PBX1: variants seen among roughly 807,000 people sequenced by gnomAD.
PBX1 encodes PBX homeobox 1.
Under a neutral mutation model 53.4 loss-of-function variants are expected in PBX1, and 6 were observed. The ratio of observed to expected loss-of-function variants is 0.11; its 90% CI spans 0.06 to 0.22. PBX1 has a LOEUF of 0.22. Among genes scored for constraint, PBX1 ranks in the 10% least tolerant of loss-of-function variants. The pLI, the probability that PBX1 is intolerant of heterozygous loss-of-function variation, is 1.00. For synonymous variants in PBX1, 204 were observed against 212.3 expected (o/e 0.96, Z 0.34); for missense variants, 251 against 551.4 (o/e 0.46, Z 5.46).
chr1:164,697,960 T>C lies in PBX1; in HGVS notation c.266-94534T>C, dbSNP rs572362286. 4.6e-5 allele frequency among the ~76,000 whole-genome samples: 7 copies of C among 152,326 alleles called. No homozygotes were observed. The South Asian group carries it at 1.5e-3, about 32-fold the overall frequency. ...GGTATCAGACATGCTAGATCCCAGT[T>C]GGTCTTAACTTTTTGTCTCACTTAC... On this transcript the variant is annotated intron_variant, in intron 2 of 8. Transcript: ENST00000420696.
chr1:164,682,356 C>T (rs945870060), intron 2 of PBX1: 1 of 152,066 alleles, frequency 6.6e-6, no homozygotes. Flanking sequence ...CCAGAACCCA[C>T]GGGAAGAACC....
chr1:164,624,810 G>C (rs1446268964), intron 2 of PBX1, among the ~76,000 whole-genome samples: 1 of 152,048 alleles, frequency 6.6e-6, no homozygotes, highest in Admixed American at 6.6e-5. Flanking sequence ...GCAATGTTTT[G>C]ACATTAAGAG....
intron 2 of PBX1, among the ~76,000 whole-genome samples, chr1:164,726,548 C>T (rs76747338): frequency 0.012 from 1,892 of 152,306 alleles, 42 homozygotes; most frequent in African/African-American, 0.044. Context: ...ATGCTAAAGC[C>T]ACATCAGGGA....
chr1:164,841,002 C>T (rs12144933), intron 8 of PBX1, among the ~76,000 whole-genome samples: 13,260 of 152,042 alleles, frequency 0.087, 743 homozygotes, highest in African/African-American at 0.16. Context: ...TCAAAATCGG[C>T]GATGTGTCGG....
At chr1:164,692,027 A>C (rs1352244430) in intron 2 of PBX1, among the ~76,000 whole-genome samples, 1 of 152,256 alleles carries the variant, frequency 6.6e-6, no homozygotes, top group Non-Finnish European at 1.5e-5. Context: ...TCCCCAAGAC[A>C]CTATTACGTA....
intron 2 of PBX1, among the ~76,000 whole-genome samples, chr1:164,716,634 C>T (rs1664100337): frequency 6.8e-6 from 1 of 146,350 alleles, no homozygotes; most frequent in South Asian, 2.3e-4. Context: ...GCAGGAAGTT[C>T]GCTTGAGCCT....
At chr1:164,750,077 A>G (rs1237951673) in intron 2 of PBX1, among the ~76,000 whole-genome samples, 1 of 151,496 alleles carries the variant, frequency 6.6e-6, no homozygotes, top group East Asian at 1.9e-4. Flanking sequence ...AGCCCGGGTG[A>G]CAGAGTGAGA....
chr1:164,656,139 A>G (rs1423208273), intron 2 of PBX1, among the ~76,000 whole-genome samples: 1 of 152,218 alleles, frequency 6.6e-6, no homozygotes, highest in Non-Finnish European at 1.5e-5. Flanking sequence ...GCTGCTTAAT[A>G]TAATGAATAA....
chr1:164,847,353 C>T lies in PBX1; in HGVS notation c.*677C>T. On this transcript the variant is annotated 3_prime_UTR_variant, in exon 9 of 9. Transcript: ENST00000420696. ...GGTGCCACATTTTTCAGTTTCATCT[C>T]CACTAGGTTGGTTCCCGGGCAGGAA... The T allele has an allele frequency of 9.4e-7, 1 of 1,064,904 alleles. No homozygotes were observed. Among genetic ancestry groups the T allele is most frequent in the Non-Finnish European group, 1.1e-6 (1 of 879,004 alleles). The allele number at this position is 1,064,904 out of a possible 1,614,324, so 66.0% of individuals were successfully genotyped here.
intron 2 of PBX1, among the ~76,000 whole-genome samples, chr1:164,654,121 A>C (rs764631252): frequency 6.6e-6 from 1 of 152,192 alleles, no homozygotes; most frequent in Non-Finnish European, 1.5e-5. Context: ...AACACAGTGC[A>C]TTGGGGGTAG....
Position 164,776,397 on chromosome 1 carries a change from G to A in PBX1, c.266-16097G>A, listed in dbSNP as rs561686345. ...GCGGCTGTGGCATGTGATTTAGAAG[G>A]AAGGGGTGCTGTGCTATGTCCTCAC... On this transcript the variant is annotated intron_variant, in intron 2 of 8. Coordinates refer to ENST00000420696, the MANE Select transcript of PBX1 (RefSeq NM_002585.4). Among the ~76,000 whole-genome samples the A allele has an allele frequency of 2.8e-4, 43 of 152,270 alleles. 2 individuals are homozygous for A. In the South Asian group the frequency reaches 8.7e-3, roughly 31 times the overall value.
intron 8 of PBX1, among the ~76,000 whole-genome samples, chr1:164,835,100 G>A (rs1461222154): frequency 6.6e-6 from 1 of 152,040 alleles, no homozygotes; most frequent in Non-Finnish European, 1.5e-5. Context: ...CTAAAAATGT[G>A]TTATGAATAT....
intron 2 of PBX1, among the ~76,000 whole-genome samples, chr1:164,655,439 C>T (rs200107998): frequency 6.6e-6 from 1 of 152,230 alleles, no homozygotes; most frequent in East Asian, 1.9e-4. Context: ...AACTGCCTGT[C>T]TTCTACAGAG....
At chr1:164,749,349 A>G (rs1666073303) in intron 2 of PBX1, among the ~76,000 whole-genome samples, 1 of 152,168 alleles carries the variant, frequency 6.6e-6, no homozygotes, top group Non-Finnish European at 1.5e-5. Flanking sequence ...ACAACTGCTT[A>G]ATATTTCTCA....
intron 2 of PBX1, among the ~76,000 whole-genome samples, chr1:164,749,660 C>T (rs1406164710): frequency 6.6e-6 from 1 of 152,096 alleles, no homozygotes; most frequent in East Asian, 1.9e-4. Flanking sequence ...AGTACAGTAG[C>T]TGGGGGATGA....
intron 2 of PBX1, among the ~76,000 whole-genome samples, chr1:164,860,134 A>T (rs1002417972): frequency 1.2e-4 from 19 of 152,202 alleles, no homozygotes; most frequent in African/African-American, 4.6e-4. Context: ...GCTAGGCAGG[A>T]ATCCCTCACA....
chr1:164,646,347 T>C (rs2101910887), intron 2 of PBX1, among the ~76,000 whole-genome samples: 1 of 152,320 alleles, frequency 6.6e-6, no homozygotes, highest in South Asian at 2.1e-4. Context: ...ACTGAATCAG[T>C]AGTGGTTACT....
chr1:164,864,120 G>A (rs1237392585), intron 2 of PBX1, among the ~76,000 whole-genome samples: 1 of 152,180 alleles, frequency 6.6e-6, no homozygotes, highest in African/African-American at 2.4e-5. Context: ...GGTGACTCAA[G>A]TGTGGTGAGT....
At chr1:164,630,282 C>T (rs780023660) in intron 2 of PBX1, among the ~76,000 whole-genome samples, 4 of 152,070 alleles carry the variant, frequency 2.6e-5, no homozygotes, top group Admixed American at 6.6e-5. Context: ...TTTTTCGTTT[C>T]TATGCTTCCA....
Sources: allele counts gnomAD v4.1 joint callset (sites outside exome capture counted in the v4.1 genomes callset), GRCh38; gene constraint gnomAD v4.1.1; transcripts MANE v1.5; gene names NCBI Gene and HGNC (gene_info 2026-07-23, HGNC 2026-07-21).